Variants in MAP1B observed in about 807,000 individuals in gnomAD.
MAP1B encodes microtubule-associated protein 1B.
MAP1B carries 12 observed loss-of-function variants against 176.1 expected under a neutral mutation model. The observed-to-expected ratio is 0.07, with a 90% confidence interval of 0.04 to 0.11. MAP1B has a LOEUF of 0.11. Among genes scored for constraint, MAP1B ranks in the 10% least tolerant of loss-of-function variants. MAP1B has a pLI of 1.00. For missense variants in MAP1B, 2,523 were observed against 2,990.5 expected (o/e 0.84, Z 3.65); for synonymous variants, 1,044 against 1,135.0 (o/e 0.92, Z 1.61).
At chr5:72,108,423 G>C (rs1339228104) in intron 1 of MAP1B, among the ~76,000 whole-genome samples, 1 of 152,250 alleles carries the variant, frequency 6.6e-6, no homozygotes, top group Non-Finnish European at 1.5e-5. Context: ...CAAGTTGCGG[G>C]GTGGGGCTGC....
rs139319889 is a variant in MAP1B at position 72,198,867 on chromosome 5, T to C, written c.5512T>C (p.Phe1838Leu). Residue 1838 changes from phenylalanine (F) to leucine (L), a missense_variant, in exon 5 of 7, where the codon TTC (phenylalanine) becomes CTC (leucine). Physicochemically the swap from Phe to Leu is conservative, Grantham distance 22. Transcript: ENST00000296755. ...CTATGGCTTCCGTGCCTCAGTGTTA[T>C]TCGATACAATGCAACACCATCTAGC... ...EPYGFRASVL[F>L]DTMQHHLALN... 1,296 of 1,614,250 alleles carry C rather than the reference T, an allele frequency of 8.0e-4. 11 individuals are homozygous for C. The Admixed American group carries it at 0.011, about 13-fold the overall frequency.
chr5:72,186,704 T>G lies in MAP1B; in HGVS notation c.460T>G (p.Ser154Ala). ...AAATACCGGAGAGCTCATTCTCCAGTCCGGCTCTTTCTCCTTCCAGAACTT... is the reference window on the plus strand; with the variant it reads ...AAATACCGGAGAGCTCATTCTCCAGGCCGGCTCTTTCTCCTTCCAGAACTT... ...FENTGELILQ[S>A]GSFSFQNFIE... The change falls in exon 4 of 7, where the codon TCC becomes GCC. Residue 154 changes from serine to alanine, a missense_variant. Ser to Ala is a moderately conservative substitution (Grantham distance 99, BLOSUM62 1). Transcript: ENST00000296755. The surrounding 1 kb of genome is among the most constrained non-coding windows in gnomAD (Gnocchi z 4.3). The G allele has an allele frequency of 6.2e-7, 1 of 1,614,198 alleles. No individual in the cohort carries two copies. Among genetic ancestry groups the G allele is most frequent in the Non-Finnish European group, 8.5e-7 (1 of 1,180,036 alleles).
At position 72,204,481 on chromosome 5, in the gene MAP1B, G is replaced by C. The variant is rs770212317; in HGVS notation, c.7252-603G>C. ...TCTGTACAAAATTACCTAGTAAATT[G>C]TGCTTGTATCATATTATATAGAATT... On this transcript the variant is annotated intron_variant, in intron 6 of 6. Coordinates refer to ENST00000296755, the MANE Select transcript of MAP1B (RefSeq NM_005909.5). This position sits in a 1 kb window ranked among gnomAD's most constrained non-coding sequence, Gnocchi z 4.4. Among the ~76,000 whole-genome samples the C allele has an allele frequency of 2.0e-5, 3 of 152,172 alleles. No homozygotes were observed. Among genetic ancestry groups the C allele is most frequent in the Non-Finnish European group, 4.4e-5 (3 of 68,034 alleles).
chr5:72,152,884 C>T (rs1269052469), intron 2 of MAP1B, among the ~76,000 whole-genome samples: 1 of 152,132 alleles, frequency 6.6e-6, no homozygotes, highest in Non-Finnish European at 1.5e-5. Context: ...AGGCTGCTCT[C>T]ATGCTCGCTG....
At chr5:72,126,725 G>T (rs1358371898) in intron 2 of MAP1B, among the ~76,000 whole-genome samples, 1 of 152,158 alleles carries the variant, frequency 6.6e-6, no homozygotes, top group Non-Finnish European at 1.5e-5. Context: ...ATCAATGAAA[G>T]AATTTCATTT....
At chr5:72,127,178 G>T (rs116670157) in intron 2 of MAP1B, among the ~76,000 whole-genome samples, 114 of 152,318 alleles carry the variant, frequency 7.5e-4, no homozygotes, top group African/African-American at 2.7e-3. Flanking sequence ...ACTGCGGATG[G>T]CCTGAATTTT....
intron 2 of MAP1B, among the ~76,000 whole-genome samples, chr5:72,166,081 G>C (rs1746422512): frequency 6.6e-6 from 1 of 152,156 alleles, no homozygotes; most frequent in East Asian, 1.9e-4. Flanking sequence ...TTAAACCCAG[G>C]TCTTCTGGCT....
chr5:72,195,536 A>G lies in MAP1B; in HGVS notation c.2181A>G (p.Glu727=). The G allele has an allele frequency of 6.3e-7, 1 of 1,589,152 alleles. No homozygotes were observed. The highest frequency in any genetic ancestry group is 1.2e-5 in the South Asian group (1 of 84,728). Residue 727 remains glutamate (E), a synonymous_variant, in exon 5 of 7, where the codon GAA becomes GAG. Coordinates refer to ENST00000296755, the MANE Select transcript of MAP1B (RefSeq NM_005909.5). ...EKKEVKKEEK[E]PKKEIKKLPK... ...AGGAAGTGAAAAAGGAAGAAAAGGA[A>G]CCCAAAAAAGAAATTAAGAAGCTCC...
Position 72,197,600 on chromosome 5 carries a change from T to C in MAP1B, c.4245T>C (p.Ser1415=), listed in dbSNP as rs761432686. The C allele has an allele frequency of 1.9e-6, 3 of 1,614,172 alleles. No individual in the cohort carries two copies. The highest frequency in any genetic ancestry group is 2.5e-6 in the Non-Finnish European group (3 of 1,180,020). ...AGTCTGCTTATGAAAGTTTTCTAAG[T>C]GCTGATGACAAGGCTTCTGGCAGAG... ...GSESAYESFL[S]ADDKASGRGA... Residue 1415 remains serine (S), a synonymous_variant, in exon 5 of 7, where the codon AGT becomes AGC. Transcript: ENST00000296755.
At chr5:72,108,472 AG>A (rs1745184154) in intron 1 of MAP1B, among the ~76,000 whole-genome samples, 1 of 152,176 alleles carries the variant, frequency 6.6e-6, no homozygotes, top group African/African-American at 2.4e-5. Flanking sequence ...GGTAGCTTGA[AG>A]GGGGTCGGTG....
At chr5:72,168,517 G>A (rs1340609728) in intron 2 of MAP1B, among the ~76,000 whole-genome samples, 1 of 152,184 alleles carries the variant, frequency 6.6e-6, no homozygotes, top group Non-Finnish European at 1.5e-5. Flanking sequence ...AATACCCAAT[G>A]GAGAATAATG....
chr5:72,171,608 A>G (rs1250012653), intron 2 of MAP1B, among the ~76,000 whole-genome samples: 1 of 152,064 alleles, frequency 6.6e-6, no homozygotes, highest in Non-Finnish European at 1.5e-5. Context: ...TTTTTTTTTT[A>G]AAGTGGAAGA....
At chr5:72,112,233 A>G (rs945588721) in intron 1 of MAP1B, among the ~76,000 whole-genome samples, 7 of 152,226 alleles carry the variant, frequency 4.6e-5, no homozygotes, top group African/African-American at 1.7e-4. Flanking sequence ...CAAAGGCCCA[A>G]ATAACTGTCA....
At chr5:72,159,926 G>A (rs902786051) in intron 2 of MAP1B, among the ~76,000 whole-genome samples, 3 of 152,240 alleles carry the variant, frequency 2.0e-5, no homozygotes, top group African/African-American at 7.2e-5. Context: ...GTAAAGAGTG[G>A]GGGCTTCATC....
At chr5:72,150,509 T>G (rs1486836852) in intron 2 of MAP1B, among the ~76,000 whole-genome samples, 2 of 152,242 alleles carry the variant, frequency 1.3e-5, no homozygotes, top group East Asian at 3.8e-4. Context: ...CTTTTTTAAC[T>G]TTTATTTTAA....
chr5:72,151,999 T>TAG (rs1746149299), intron 2 of MAP1B, among the ~76,000 whole-genome samples: 1 of 152,206 alleles, frequency 6.6e-6, no homozygotes, highest in African/African-American at 2.4e-5. Flanking sequence ...ACCGTGCTAC[T>TAG]TTTTATCAAA....
At chr5:72,190,213 G>A (rs2112225013) in intron 4 of MAP1B, among the ~76,000 whole-genome samples, 1 of 152,264 alleles carries the variant, frequency 6.6e-6, no homozygotes, top group South Asian at 2.1e-4. Context: ...AATGGTCAAT[G>A]GGGAAGTCAA....
rs552863206 is a variant in MAP1B, at chr5:72,206,150, G to T, written c.*911G>T. On this transcript the variant is annotated 3_prime_UTR_variant, in exon 7 of 7. Transcript: ENST00000296755. ...ATTAACTGAAGCAAATACCAAAGCA[G>T]TTGGGAGTACATATGGTAGACAATT... is the stretch of plus-strand genomic sequence containing the variant. 11 of 152,820 alleles carry T rather than the reference G, an allele frequency of 7.2e-5. No individual in the cohort carries two copies. The highest frequency in any genetic ancestry group is 6.5e-4 in the Admixed American group (10 of 15,306). The allele number at this position is 152,820 out of a possible 1,614,324, so 9.5% of individuals were successfully genotyped here. A position where few individuals can be genotyped will look rare whatever the true frequency, so the allele number is the denominator to read the frequency against.
rs559005546 is a variant in MAP1B, at chr5:72,179,959, A to G, written c.287-3784A>G. The G allele has an allele frequency of 1.2e-5, 12 of 983,540 alleles. No individual in the cohort carries two copies. The South Asian group carries it at 3.3e-4, about 27-fold the overall frequency. The allele number at this position is 983,540 out of a possible 1,614,324, so 60.9% of individuals were successfully genotyped here. On this transcript the variant is annotated intron_variant, in intron 2 of 6. Coordinates refer to ENST00000296755, the MANE Select transcript of MAP1B (RefSeq NM_005909.5). ...TGTTTTGTTTGCAACTGATGAAGCC[A>G]AAGAGGAAAGGAACTGCCGGTGGAT...
Sources: gnomAD v4.1 joint callset for allele counts (sites outside exome capture counted in the v4.1 genomes callset) on GRCh38, gnomAD v4.1.1 for gene constraint, Gnocchi (gnomAD v3.1) non-coding constraint, MANE v1.5 for transcripts, NCBI Gene and HGNC (gene_info 2026-07-23, HGNC 2026-07-21) for gene names.